SSH2: variants seen among roughly 807,000 people sequenced by gnomAD.
SSH2 encodes protein phosphatase Slingshot homolog 2.
A neutral mutation model predicts 135.2 loss-of-function variants in SSH2; 37 were observed. The ratio of observed to expected loss-of-function variants is 0.27; its 90% CI spans 0.21 to 0.36. SSH2 has a LOEUF of 0.36. SSH2 is among the 10% of genes least tolerant of loss of function. SSH2 has a pLI of 1.00. For missense variants in SSH2, 1,408 were observed against 1,765.3 expected, an observed-to-expected ratio of 0.80 and a Z score of 3.63; for synonymous variants, 628 against 646.2, an observed-to-expected ratio of 0.97 and a Z score of 0.43.
chr17:29,816,124 C>T (rs1468807392), intron 2 of SSH2, among the ~76,000 whole-genome samples: 2 of 152,130 alleles, frequency 1.3e-5, no homozygotes, highest in Admixed American at 6.5e-5. Context: ...GCTGGGATTA[C>T]AGATGTGAGC....
chr17:29,756,484 A>G (rs888178400), intron 3 of SSH2, among the ~76,000 whole-genome samples: 1 of 28,384 alleles, frequency 3.5e-5, no homozygotes, highest in African/African-American at 1.3e-4. Context: ...CCACCCACCC[A>G]CCCATCCATC....
chr17:29,682,166 T>C (rs1352304639), intron 6 of SSH2, among the ~76,000 whole-genome samples: 1 of 152,204 alleles, frequency 6.6e-6, no homozygotes, highest in Non-Finnish European at 1.5e-5. Flanking sequence ...GAAAGAGAAA[T>C]GATTAGACAT....
intron 3 of SSH2, among the ~76,000 whole-genome samples, chr17:29,739,004 T>C (rs1203154680): frequency 6.6e-6 from 1 of 152,180 alleles, no homozygotes; most frequent in Non-Finnish European, 1.5e-5. Flanking sequence ...ATAATCACTT[T>C]CCTAAAAACA....
At chr17:29,766,666 T>C (rs967411790) in intron 3 of SSH2, among the ~76,000 whole-genome samples, 4 of 152,126 alleles carry the variant, frequency 2.6e-5, no homozygotes, top group Non-Finnish European at 5.9e-5. Flanking sequence ...ACTTACATAA[T>C]TTTAGTTTTA....
chr17:29,921,680 G>A (rs1409563835), intron 1 of SSH2, among the ~76,000 whole-genome samples: 1 of 151,766 alleles, frequency 6.6e-6, no homozygotes. Flanking sequence ...GGGTTCAAGC[G>A]ATTCTCCTGC....
chr17:29,912,682 G>A (rs1212150625), intron 1 of SSH2, among the ~76,000 whole-genome samples: 2 of 152,094 alleles, frequency 1.3e-5, no homozygotes, highest in Non-Finnish European at 2.9e-5. Context: ...AGTGAGCTAC[G>A]ATCTTGCCAC....
chr17:29,695,414 G>T, intron 5 of SSH2, 45 bp downstream of exon 5: 1 of 1,530,600 alleles, frequency 6.5e-7, no homozygotes, highest in Non-Finnish European at 9.0e-7. Flanking sequence ...GGCTATCTTA[G>T]ATAGTCTTTT....
intron 2 of SSH2, among the ~76,000 whole-genome samples, chr17:29,800,226 A>T (rs1444210063): frequency 6.6e-6 from 1 of 152,230 alleles, no homozygotes; most frequent in Non-Finnish European, 1.5e-5. Context: ...GGGAAAAAAA[A>T]ACTAAGCATA....
At chr17:29,814,896 G>A (rs1053322807) in intron 2 of SSH2, among the ~76,000 whole-genome samples, 2 of 151,032 alleles carry the variant, frequency 1.3e-5, no homozygotes, top group Non-Finnish European at 2.9e-5. Flanking sequence ...ATATTATAAT[G>A]GGAAAGTGAA....
intron 1 of SSH2, among the ~76,000 whole-genome samples, chr17:29,910,533 A>G (rs1268604731): frequency 1.3e-5 from 2 of 152,232 alleles, no homozygotes; most frequent in East Asian, 3.8e-4. Flanking sequence ...CATTATATAC[A>G]TAATACTTTT....
intron 6 of SSH2, among the ~76,000 whole-genome samples, chr17:29,679,193 C>G (rs1204661990): frequency 6.6e-6 from 1 of 152,038 alleles, no homozygotes; most frequent in Non-Finnish European, 1.5e-5. Flanking sequence ...AACTGCTTTC[C>G]CACTCTGGCT....
chr17:29,823,405 G>T (rs16965249), intron 2 of SSH2, among the ~76,000 whole-genome samples: 2,030 of 152,200 alleles, frequency 0.013, 41 homozygotes, highest in African/African-American at 0.047. Context: ...CTTGCACTGG[G>T]CTAATGTTCC....
At chr17:29,684,854 T>C (rs1169121506) in intron 5 of SSH2, among the ~76,000 whole-genome samples, 170 bp from the exon 6 acceptor site, 2 of 152,202 alleles carry the variant, frequency 1.3e-5, no homozygotes, top group African/African-American at 4.8e-5. Flanking sequence ...AAAACTTTGG[T>C]AAGTTACTAA....
At chr17:29,784,923 T>C (rs1379325272) in intron 3 of SSH2, among the ~76,000 whole-genome samples, 1 of 152,216 alleles carries the variant, frequency 6.6e-6, no homozygotes, top group Admixed American at 6.5e-5. Context: ...TCTCCTCTGC[T>C]GCAAATTTTA....
chr17:29,866,741 C>G (rs1297833318), intron 1 of SSH2, among the ~76,000 whole-genome samples: 1 of 152,204 alleles, frequency 6.6e-6, no homozygotes, highest in Admixed American at 6.5e-5. Context: ...TCTCCTTAGG[C>G]AAACCAAATA....
At chr17:29,789,013 T>C (rs1362185201) in intron 3 of SSH2, among the ~76,000 whole-genome samples, 1 of 152,096 alleles carries the variant, frequency 6.6e-6, no homozygotes, top group Admixed American at 6.6e-5. Flanking sequence ...TAGTGGACAA[T>C]GGAGAAAAGG....
At chr17:29,760,736 A>C (rs993775150) in intron 3 of SSH2, among the ~76,000 whole-genome samples, 5 of 151,912 alleles carry the variant, frequency 3.3e-5, no homozygotes, top group East Asian at 1.9e-4. Flanking sequence ...TAAAAAAAAA[A>C]AACCCATAAT....
chr17:29,913,347 A>AAAAAAAAAAAAAAATTATATATATAT lies in SSH2; in HGVS notation c.63+16590_63+16591insATATATATATAATTTTTTTTTTTTTT. 5.6e-4 allele frequency among the ~76,000 whole-genome samples: 16 copies of AAAAAAAAAAAAAAATTATATATATAT among 28,784 alleles called. 5 individuals are homozygous for AAAAAAAAAAAAAAATTATATATATAT. Among genetic ancestry groups the AAAAAAAAAAAAAAATTATATATATAT allele is most frequent in the South Asian group, 2.6e-3 (1 of 386 alleles). 18.9% of individuals were successfully genotyped at this position (28,784 alleles called of 152,430 possible). On this transcript the variant is annotated intron_variant, in intron 1 of 15. Transcript: ENST00000540801. Reference sequence around the variant, plus strand: ...AAAAAAAAAAAAAAAAAAAAAAAAAAATATATATATATATATATATATATA... The same window carrying AAAAAAAAAAAAAAATTATATATATAT: ...AAAAAAAAAAAAAAAAAAAAAAAAAAAAAAAAAAAAAAAATTATATATATATATATATATATATATATATATATATA...
At chr17:29,924,714 G>A (rs1183806018) in intron 1 of SSH2, among the ~76,000 whole-genome samples, 2 of 151,970 alleles carry the variant, frequency 1.3e-5, no homozygotes, top group Non-Finnish European at 2.9e-5. Context: ...GCCTTTAGCA[G>A]CACCTGTAAT....
Sources: allele counts gnomAD v4.1 joint callset (sites outside exome capture counted in the v4.1 genomes callset), GRCh38; gene constraint gnomAD v4.1.1; transcripts MANE v1.5; gene names NCBI Gene and HGNC (gene_info 2026-07-23, HGNC 2026-07-21).